Variants in GPHN observed in about 807,000 individuals in gnomAD.
GPHN encodes gephyrin.
In GPHN, 17 loss-of-function variants were observed where a neutral mutation model predicts 95.5. The observed-to-expected ratio is 0.18, with a 90% CI of 0.12 to 0.27. GPHN has a LOEUF of 0.27. Ranked by LOEUF, GPHN falls within the 10% of genes least tolerant of loss-of-function variation. GPHN has a pLI of 1.00. For synonymous variants in GPHN, 320 were observed against 322.5 expected (o/e 0.99, Z 0.08); for missense variants, 660 against 978.1 (o/e 0.67, Z 4.34).
chr14:67,226,142 C>T, the GPHN span, among the ~76,000 whole-genome samples: 1 of 152,144 alleles, frequency 6.6e-6, no homozygotes, highest in Non-Finnish European at 1.5e-5. Flanking sequence ...ACTCTGCCAC[C>T]AAAGCCAGCT....
At chr14:66,533,719 A>G (rs2139977415) in intron 1 of GPHN, among the ~76,000 whole-genome samples, 1 of 152,344 alleles carries the variant, frequency 6.6e-6, no homozygotes, top group African/African-American at 2.4e-5. Flanking sequence ...TAGGTATAGG[A>G]CATTCAGGAT....
At chr14:67,398,492 C>T in the GPHN span, among the ~76,000 whole-genome samples, 2 of 152,134 alleles carry the variant, frequency 1.3e-5, no homozygotes, top group Non-Finnish European at 2.9e-5. Flanking sequence ...TTATTCCTGC[C>T]ACCTGAGAAC....
At chr14:67,215,533 G>T in the GPHN span, among the ~76,000 whole-genome samples, 1 of 142,392 alleles carries the variant, frequency 7.0e-6, no homozygotes, top group Non-Finnish European at 1.5e-5. Context: ...AACAACAACA[G>T]GAGAGAGTGA....
At chr14:66,929,751 G>A (rs1044025032) in intron 8 of GPHN, among the ~76,000 whole-genome samples, 4 of 146,628 alleles carry the variant, frequency 2.7e-5, no homozygotes, top group South Asian at 2.1e-4. Flanking sequence ...TCACTCTTTC[G>A]CCCAGGCCGG....
At chr14:67,600,127 C>T in the GPHN span, 1 of 1,596,384 alleles carries the variant, frequency 6.3e-7, no homozygotes, top group Admixed American at 1.7e-5. Flanking sequence ...GAATTCCCGG[C>T]AGGACGGGGA....
At chr14:67,056,103 C>T (rs1223111553) in intron 10 of GPHN, among the ~76,000 whole-genome samples, 1 of 152,234 alleles carries the variant, frequency 6.6e-6, no homozygotes, top group Non-Finnish European at 1.5e-5. Context: ...TGGAGGGGGA[C>T]CCCAGCAGGT....
At chr14:66,796,643 T>G (rs1206954514) in intron 3 of GPHN, among the ~76,000 whole-genome samples, 1 of 152,050 alleles carries the variant, frequency 6.6e-6, no homozygotes, top group South Asian at 2.1e-4. Context: ...GCCATTTATA[T>G]CAAATATTTT....
intron 8 of GPHN, among the ~76,000 whole-genome samples, chr14:66,935,658 G>C (rs1317914127): frequency 6.6e-6 from 1 of 151,328 alleles, no homozygotes; most frequent in Non-Finnish European, 1.5e-5. Flanking sequence ...GTATACGTGT[G>C]TTTATGTATA....
chr14:66,584,740 A>G (rs2061348941), intron 1 of GPHN, among the ~76,000 whole-genome samples: 2 of 152,226 alleles, frequency 1.3e-5, no homozygotes, highest in Middle Eastern at 3.4e-3. Context: ...GATGAAGCCC[A>G]CTTGATCATG....
At chr14:67,291,599 C>G in the GPHN span, among the ~76,000 whole-genome samples, 2 of 152,124 alleles carry the variant, frequency 1.3e-5, no homozygotes, top group African/African-American at 4.8e-5. Context: ...TGCTTCTTAA[C>G]CATTTTAGAA....
chr14:66,588,247 A>G (rs996861177), intron 1 of GPHN, among the ~76,000 whole-genome samples: 6 of 152,144 alleles, frequency 3.9e-5, no homozygotes, highest in African/African-American at 1.4e-4. Context: ...CACCAACATC[A>G]AAGAACAAAG....
chr14:67,494,568 G>A, the GPHN span, among the ~76,000 whole-genome samples: 8 of 152,126 alleles, frequency 5.3e-5, no homozygotes, highest in South Asian at 4.1e-4. Context: ...AATCGGCCCC[G>A]CCCCCACACA....
At chr14:66,545,837 G>A (rs895815912) in intron 1 of GPHN, among the ~76,000 whole-genome samples, 8 of 149,014 alleles carry the variant, frequency 5.4e-5, no homozygotes, top group African/African-American at 1.7e-4. Flanking sequence ...TCTCCTCCCG[G>A]ACGGGGTGGC....
chr14:66,516,778 A>G (rs536684064), intron 1 of GPHN, among the ~76,000 whole-genome samples: 2 of 152,358 alleles, frequency 1.3e-5, no homozygotes, highest in South Asian at 4.1e-4. Flanking sequence ...ATTAATGTGC[A>G]CTTGAAATTA....
At chr14:67,656,638 C>A in the GPHN span, 113 of 1,545,018 alleles carry the variant, frequency 7.3e-5, 1 homozygote, top group Middle Eastern at 8.6e-4. Flanking sequence ...ATTATAAATT[C>A]ATTGCCAGCA....
chr14:67,068,808 C>T lies in GPHN; in HGVS notation c.1144+10022C>T, dbSNP rs146202902. ...TGAAATATCTCTTTTAGAATACTGA[C>T]CACAGCACAAAGGCACATGTTCCCG... On this transcript the variant is annotated intron_variant, in intron 11 of 22. Coordinates refer to ENST00000478722, the MANE Select transcript of GPHN (RefSeq NM_020806.5). Among the ~76,000 whole-genome samples the T allele has an allele frequency of 3.9e-5, 6 of 152,238 alleles. No homozygotes were observed. In the East Asian group the frequency reaches 1.2e-3, roughly 29 times the overall value.
At chr14:67,323,204 T>C in the GPHN span, among the ~76,000 whole-genome samples, 1 of 141,584 alleles carries the variant, frequency 7.1e-6, no homozygotes, top group Non-Finnish European at 1.5e-5. Context: ...TATATGTGTA[T>C]ATATATACAT....
intron 1 of GPHN, among the ~76,000 whole-genome samples, chr14:66,651,269 G>C (rs1365087136): frequency 2.0e-5 from 3 of 152,186 alleles, no homozygotes; most frequent in African/African-American, 7.2e-5. Flanking sequence ...CAGAGAACTC[G>C]ATCTGTCGCT....
the GPHN span, chr14:67,656,291 G>T: frequency 1.3e-5 from 11 of 859,748 alleles, no homozygotes; most frequent in Non-Finnish European, 1.5e-5. Flanking sequence ...AAAAGCATAA[G>T]AACTTAAAAA....
Sources: gnomAD v4.1 joint callset for allele counts (sites outside exome capture counted in the v4.1 genomes callset) on GRCh38, gnomAD v4.1.1 for gene constraint, MANE v1.5 for transcripts, NCBI Gene and HGNC (gene_info 2026-07-23, HGNC 2026-07-21) for gene names.